Variants in GK observed in about 807,000 individuals in gnomAD.
GK encodes ATP:glycerol 3-phosphotransferase.
GK carries 9 observed loss-of-function variants against 56.4 expected under a neutral mutation model. The ratio of observed to expected loss-of-function variants is 0.16; its 90% CI spans 0.10 to 0.28. The LOEUF (loss-of-function observed/expected upper bound fraction) is 0.28, where lower values mean the gene tolerates loss of function less well. Ranked by LOEUF, GK falls within the 10% of genes least tolerant of loss-of-function variation. The pLI is 1.00. For missense variants in GK, 161 were observed against 431.4 expected (o/e 0.37, Z 5.55); for synonymous variants, 104 against 144.1 (o/e 0.72, Z 1.99).
At chrX:30,671,572 TGACA>T (rs1048789731) in intron 3 of GK, 5 of 112,116 alleles carry the variant, frequency 4.5e-5, no homozygotes, top group African/African-American at 1.6e-4. Flanking sequence ...TAGTCCTACC[TGACA>T]GTCATTAAGA....
At chrX:30,702,350 C>T (rs1201657594) in intron 11 of GK, among the ~76,000 whole-genome samples, 3 of 112,178 alleles carry the variant, frequency 2.7e-5, no homozygotes, top group African/African-American at 6.5e-5. Context: ...CCAAGGTAAT[C>T]TTTTAAATAT....
At chrX:30,704,411 A>T (rs1418211791) in intron 11 of GK, among the ~76,000 whole-genome samples, 1 of 108,593 alleles carries the variant, frequency 9.2e-6, no homozygotes, top group Non-Finnish European at 1.9e-5. Flanking sequence ...GATTATAGGC[A>T]TGAGCCACTG....
rs929686826 is a variant in GK, at chrX:30,731,100, C to T, written c.*2358C>T. ...CAGTAAAATAAGTAATGCATCTCTG[C>T]TTCTGTAATGATATCTTAGAATTTT... On this transcript the variant is annotated 3_prime_UTR_variant, in exon 21 of 21. Coordinates refer to ENST00000427190, the MANE Select transcript of GK (RefSeq NM_001205019.2). The T allele has an allele frequency of 4.5e-5, 5 of 112,234 alleles. No individual in the cohort carries two copies. Among genetic ancestry groups the T allele is most frequent in the Non-Finnish European group, 9.4e-5 (5 of 53,314 alleles). The allele number at this position is 112,234 out of a possible 1,213,427, so 9.2% of individuals were successfully genotyped here. A position where few individuals can be genotyped will look rare whatever the true frequency, so the allele number is the denominator to read the frequency against.
chrX:30,708,727 A>G (rs919752486), intron 13 of GK, among the ~76,000 whole-genome samples: 8 of 112,151 alleles, frequency 7.1e-5, no homozygotes, highest in African/African-American at 2.6e-4. Context: ...ATTTATTTAT[A>G]AAGTCAAAGA....
chrX:30,666,011 G>A (rs974332323), intron 2 of GK, among the ~76,000 whole-genome samples: 1 of 111,727 alleles, frequency 9.0e-6, no homozygotes, highest in African/African-American at 3.2e-5. Flanking sequence ...TTCATAAGTA[G>A]TAATTGTGAT....
rs1215838576 is a variant in GK at position 30,721,000 on chromosome X, A to T, written c.1501+5A>T. The T allele has an allele frequency of 1.7e-6, 2 of 1,206,758 alleles. No homozygotes were observed. The highest frequency in any genetic ancestry group is 5.9e-5 in the East Asian group (2 of 33,819). On this transcript the variant is annotated splice_donor_5th_base_variant and intron_variant, in intron 18 of 20. Transcript: ENST00000427190. The stretch of plus-strand genomic sequence containing the variant: ...AACCTCAGATTAATGCGGAGGGTAC[A>T]TTTAAAGAATGAAATGTTCAGTGAT...
At chrX:30,668,464 G>A (rs1245005256) in intron 3 of GK, among the ~76,000 whole-genome samples, 1 of 112,008 alleles carries the variant, frequency 8.9e-6, no homozygotes, top group Non-Finnish European at 1.9e-5. Context: ...TGAGCTCTCA[G>A]AGGGCAAAAG....
intron 9 of GK, among the ~76,000 whole-genome samples, chrX:30,698,576 T>C (rs1170517376): frequency 1.8e-5 from 2 of 109,022 alleles, no homozygotes; most frequent in Middle Eastern, 4.3e-3. Flanking sequence ...TGGTAGCGGG[T>C]GCCTGTAATC....
intron 9 of GK, chrX:30,698,310 C>T (rs1935347645): frequency 8.9e-6 from 1 of 112,867 alleles, no homozygotes; most frequent in Non-Finnish European, 1.9e-5. Flanking sequence ...AGATATATAG[C>T]CTCTAGGTTT....
At chrX:30,699,382 T>G (rs1360796580) in intron 9 of GK, among the ~76,000 whole-genome samples, 1 of 101,790 alleles carries the variant, frequency 9.8e-6, no homozygotes, top group East Asian at 3.1e-4. Context: ...TTTTTTTTTT[T>G]TGAGACGGAG....
At chrX:30,696,229 G>A (rs1935227093) in intron 7 of GK, 78 bp downstream of exon 7, 3 of 594,052 alleles carry the variant, frequency 5.1e-6, no homozygotes, top group Non-Finnish European at 8.6e-6. Context: ...ATTTTCAGAT[G>A]TCAGTGGAGC....
At chrX:30,687,980 C>G (rs1934714962) in intron 4 of GK, among the ~76,000 whole-genome samples, 1 of 111,960 alleles carries the variant, frequency 8.9e-6, no homozygotes, top group African/African-American at 3.2e-5. Context: ...TATAAAAACA[C>G]AGTAATTATT....
At chrX:30,658,314 TTTTTG>T (rs1217112534) in intron 1 of GK, among the ~76,000 whole-genome samples, 2 of 111,383 alleles carry the variant, frequency 1.8e-5, no homozygotes, top group Non-Finnish European at 1.9e-5. Context: ...GTTGTGATTC[TTTTTG>T]TTTTTTTTTT....
At chrX:30,722,715 G>A (rs1936962244) in intron 18 of GK, among the ~76,000 whole-genome samples, 3 of 111,843 alleles carry the variant, frequency 2.7e-5, no homozygotes. Context: ...CAGAAGATTA[G>A]AGTATATTGG....
At chrX:30,658,283 G>C (rs1406185077) in intron 1 of GK, among the ~76,000 whole-genome samples, 1 of 111,817 alleles carries the variant, frequency 8.9e-6, no homozygotes, top group Non-Finnish European at 1.9e-5. Flanking sequence ...TTGGAATGAG[G>C]CCACTCTTGT....
At chrX:30,701,470 A>C (rs1360242369) in intron 11 of GK, among the ~76,000 whole-genome samples, 1 of 112,362 alleles carries the variant, frequency 8.9e-6, no homozygotes, top group Non-Finnish European at 1.9e-5. Context: ...ATATCCTAAA[A>C]ACTAAATTTT....
chrX:30,688,377 C>T (rs1235449519), intron 4 of GK, among the ~76,000 whole-genome samples: 1 of 109,175 alleles, frequency 9.2e-6, no homozygotes, highest in African/African-American at 3.3e-5. Flanking sequence ...TTGGAACACA[C>T]CTAGTATTTT....
At chrX:30,660,737 A>T (rs1932684915) in intron 1 of GK, among the ~76,000 whole-genome samples, 1 of 108,462 alleles carries the variant, frequency 9.2e-6, no homozygotes, top group South Asian at 4.0e-4. Context: ...TCTACATCAC[A>T]CCAAGCATGA....
chrX:30,696,530 T>C (rs931477011), intron 7 of GK, 87 bp from the exon 8 acceptor site: 9 of 677,075 alleles, frequency 1.3e-5, no homozygotes, highest in Admixed American at 1.0e-4. Context: ...CTAATTGTTA[T>C]TTATGCTTTT....
Sources: gnomAD v4.1 joint callset for allele counts (sites outside exome capture counted in the v4.1 genomes callset) on GRCh38, gnomAD v4.1.1 for gene constraint, MANE v1.5 for transcripts, NCBI Gene and HGNC (gene_info 2026-07-23, HGNC 2026-07-21) for gene names.